Variants in PHACTR3 observed in about 807,000 individuals in gnomAD.
PHACTR3 encodes the protein phosphatase and actin regulator 3, also known as protein phosphatase 1, regulatory subunit 123.
PHACTR3 carries 16 observed loss-of-function variants against 66.8 expected under a neutral mutation model. The ratio of observed to expected loss-of-function variants is 0.24; its 90% CI spans 0.16 to 0.36. The LOEUF (loss-of-function observed/expected upper bound fraction) is 0.36. PHACTR3 is among the 10% of genes least tolerant of loss of function. The pLI is 1.00. For missense variants in PHACTR3, 647 were observed against 719.9 expected (o/e 0.90, Z 1.16); for synonymous variants, 323 against 292.1 (o/e 1.11, Z -1.08).
intron 1 of PHACTR3, among the ~76,000 whole-genome samples, chr20:59,702,422 C>T (rs2037539245): frequency 6.6e-6 from 1 of 152,218 alleles, no homozygotes; most frequent in African/African-American, 2.4e-5. Context: ...AGTCTTCTCA[C>T]ATCCAGATCT....
intron 10 of PHACTR3, 70 bp from the exon 11 acceptor site, chr20:59,841,325 G>A (rs1056492619): frequency 1.4e-6 from 2 of 1,453,902 alleles, no homozygotes; most frequent in African/African-American, 1.4e-5. Flanking sequence ...GAGAAGTGCT[G>A]TTTGTTCAGA....
chr20:59,795,177 G>T (rs941336682), intron 7 of PHACTR3, among the ~76,000 whole-genome samples: 4 of 151,698 alleles, frequency 2.6e-5, no homozygotes, highest in African/African-American at 9.7e-5. Context: ...CATAGGGTTT[G>T]GTATGTTTTT....
chr20:59,738,470 A>G lies in PHACTR3; in HGVS notation c.119-4637A>G, dbSNP rs2039033031. Among the ~76,000 whole-genome samples the G allele has an allele frequency of 6.6e-6, 1 of 151,948 alleles. No individual in the cohort carries two copies. Among genetic ancestry groups the G allele is most frequent in the Admixed American group, 6.6e-5 (1 of 15,266 alleles). The stretch of plus-strand genomic sequence containing the variant: ...TAAGACATCGGATCACAGGAAGACC[A>G]GTTGCTGGGGCAGGGATGCTGGTAC... On this transcript the variant is annotated intron_variant, in intron 1 of 12. Transcript: ENST00000371015. This position sits in a 1 kb window ranked among gnomAD's most constrained non-coding sequence, Gnocchi z 4.4.
intron 1 of PHACTR3, among the ~76,000 whole-genome samples, chr20:59,581,988 A>G (rs2032875193): frequency 6.6e-6 from 1 of 152,212 alleles, no homozygotes; most frequent in Non-Finnish European, 1.5e-5. Context: ...TCTGGAAAAA[A>G]AATTACTCAC....
chr20:59,621,427 T>C (rs1461337314), intron 1 of PHACTR3, among the ~76,000 whole-genome samples: 1 of 152,234 alleles, frequency 6.6e-6, no homozygotes, highest in Non-Finnish European at 1.5e-5. Context: ...GCCTGGCACA[T>C]CTTGGGGACT....
chr20:59,825,978 G>A (rs2042180222), intron 8 of PHACTR3, among the ~76,000 whole-genome samples: 2 of 152,210 alleles, frequency 1.3e-5, no homozygotes. Flanking sequence ...GTGAGAAGAT[G>A]CTGTCTCTGG....
At chr20:59,752,459 C>T (rs1296670976) in intron 3 of PHACTR3, among the ~76,000 whole-genome samples, 3 of 151,926 alleles carry the variant, frequency 2.0e-5, no homozygotes, top group Admixed American at 6.5e-5. Context: ...CCCCAACCAG[C>T]GTTTCTTAGC....
intron 5 of PHACTR3, among the ~76,000 whole-genome samples, chr20:59,768,411 G>A (rs983219346): frequency 3.3e-5 from 5 of 152,196 alleles, no homozygotes; most frequent in African/African-American, 4.8e-5. Context: ...GTAGGCACGA[G>A]GTGCCCCATT....
chr20:59,841,063 A>ACTTTTAAAAAG (rs2059050377), intron 10 of PHACTR3, among the ~76,000 whole-genome samples: 1 of 152,214 alleles, frequency 6.6e-6, no homozygotes, highest in African/African-American at 2.4e-5. Context: ...CTTTATTAGT[A>ACTTTTAAAAAG]CTTTTAAAAA....
At chr20:59,774,627 G>C in intron 7 of PHACTR3, 137 bp downstream of exon 7, 2 of 1,208,588 alleles carry the variant, frequency 1.7e-6, no homozygotes, top group Admixed American at 2.5e-5. Context: ...GAGGGGGGCT[G>C]TGTCCTCTGG....
At chr20:59,661,307 A>C (rs911982014) in intron 1 of PHACTR3, among the ~76,000 whole-genome samples, 2 of 152,158 alleles carry the variant, frequency 1.3e-5, no homozygotes, top group African/African-American at 2.4e-5. Flanking sequence ...GGTCCTGAGC[A>C]GGAGAGAGCA....
chr20:59,638,466 A>ATGGG (rs1412979162), intron 1 of PHACTR3, among the ~76,000 whole-genome samples: 1 of 146,334 alleles, frequency 6.8e-6, no homozygotes, highest in African/African-American at 2.5e-5. Flanking sequence ...GGATAGGTAG[A>ATGGG]TGGGTGGATG....
chr20:59,802,875 A>AC (rs2041458194), intron 7 of PHACTR3, among the ~76,000 whole-genome samples: 1 of 152,230 alleles, frequency 6.6e-6, no homozygotes, highest in South Asian at 2.1e-4. Flanking sequence ...TTTTGCCAAT[A>AC]AAGAGTTCCA....
chr20:59,845,642 C>A (rs2059134435), intron 12 of PHACTR3, among the ~76,000 whole-genome samples: 2 of 152,142 alleles, frequency 1.3e-5, no homozygotes, highest in Admixed American at 6.5e-5. Context: ...TAGTCACTCC[C>A]CACCTTCACA....
intron 1 of PHACTR3, among the ~76,000 whole-genome samples, chr20:59,670,676 G>A (rs1051573699): frequency 8.6e-5 from 13 of 150,754 alleles, no homozygotes; most frequent in East Asian, 6.0e-4. Context: ...CTTTTCTGTC[G>A]TTAAGGTGTC....
chr20:59,596,306 G>A (rs766009111), intron 1 of PHACTR3, among the ~76,000 whole-genome samples: 1 of 152,042 alleles, frequency 6.6e-6, no homozygotes, highest in African/African-American at 2.4e-5. Context: ...GCTAATTTTT[G>A]TGTGTGTATA....
At chr20:59,613,338 G>T (rs922644070) in intron 1 of PHACTR3, among the ~76,000 whole-genome samples, 1 of 152,194 alleles carries the variant, frequency 6.6e-6, no homozygotes, top group African/African-American at 2.4e-5. Flanking sequence ...TTGCAACATG[G>T]TTGCTTCACC....
At chr20:59,740,597 T>C (rs79733678) in intron 1 of PHACTR3, among the ~76,000 whole-genome samples, 6,126 of 152,266 alleles carry the variant, frequency 0.04, 424 homozygotes, top group African/African-American at 0.14. Context: ...GTACTGGCCT[T>C]CCCAGAATTT....
At chr20:59,760,478 C>A (rs2039958525) in intron 4 of PHACTR3, among the ~76,000 whole-genome samples, 1 of 152,118 alleles carries the variant, frequency 6.6e-6, no homozygotes, top group Non-Finnish European at 1.5e-5. Context: ...CAGTACTGTT[C>A]TCATGGTAGT....
Sources: allele counts gnomAD v4.1 joint callset (sites outside exome capture counted in the v4.1 genomes callset), GRCh38; gene constraint gnomAD v4.1.1; non-coding constraint Gnocchi (gnomAD v3.1); transcripts MANE v1.5; gene names NCBI Gene and HGNC (gene_info 2026-07-23, HGNC 2026-07-21).